The following MRPL39 variants were observed in gnomAD, a reference collection of about 807,000 sequenced individuals.
The protein encoded by MRPL39 is large ribosomal subunit protein mL39.
In MRPL39, 35 loss-of-function variants were observed where a neutral mutation model predicts 44.5. The observed-to-expected ratio is 0.79, with a 90% CI of 0.60 to 1.04. The LOEUF (loss-of-function observed/expected upper bound fraction) is 1.04. Among genes scored for constraint, MRPL39 ranks in the 50% least tolerant of loss-of-function variants. The pLI, the probability that MRPL39 is intolerant of heterozygous loss-of-function variation, is 0.00. For missense variants in MRPL39, 433 were observed against 413.5 expected, an observed-to-expected ratio of 1.05 and a Z score of -0.41; for synonymous variants, 139 against 136.1, an observed-to-expected ratio of 1.02 and a Z score of -0.15.
At chr21:25,604,065 G>T in intron 2 of MRPL39, 130 bp from the exon 3 acceptor site, 4 of 812,346 alleles carry the variant, frequency 4.9e-6, no homozygotes, top group Non-Finnish European at 5.7e-6. Context: ...GAGAAAAAAA[G>T]TATATTACGT....
At chr21:25,588,471 C>T (rs538623675) in intron 9 of MRPL39, among the ~76,000 whole-genome samples, 1 of 152,262 alleles carries the variant, frequency 6.6e-6, no homozygotes, top group Non-Finnish European at 1.5e-5. Flanking sequence ...CTTTAAAATA[C>T]ACCTGACAAA....
chr21:25,593,498 G>A (rs2031247163), intron 7 of MRPL39, among the ~76,000 whole-genome samples: 1 of 152,202 alleles, frequency 6.6e-6, no homozygotes. Context: ...ATCCATGCTT[G>A]AGAAAGCACA....
chr21:25,606,633 A>G lies in MRPL39; in HGVS notation c.96T>C (p.Ala32=). 1 of 1,613,300 alleles carries G rather than the reference A, an allele frequency of 6.2e-7. No individual in the cohort carries two copies. Among genetic ancestry groups the G allele is most frequent in the Non-Finnish European group, 8.5e-7 (1 of 1,179,288 alleles). ...TCAATTCTGTCGGTGACAGCTGAGA[A>G]GCTGACGATGTTGCTATAAATCCTG... ...IKWRFIATSS[A]SQLSPTELTE... The change falls in exon 2 of 10, where the codon GCT becomes GCC. Residue 32 remains alanine, a synonymous_variant. Transcript: ENST00000352957.
At position 25,588,887 on chromosome 21, in the gene MRPL39, A is replaced by G; in HGVS notation, c.922-5T>C. 6.2e-7 allele frequency: 1 copy of G among 1,611,850 alleles called. No individual in the cohort carries two copies. Among genetic ancestry groups the G allele is most frequent in the Non-Finnish European group, 8.5e-7 (1 of 1,178,454 alleles). Reference sequence around the variant, plus strand: ...ATCCCATATTGTAAAATGTGCCTTGAAAAGAAAAGATTTGCGATGAACTAA... The same window carrying G: ...ATCCCATATTGTAAAATGTGCCTTGGAAAGAAAAGATTTGCGATGAACTAA... On this transcript the variant is annotated splice_polypyrimidine_tract_variant and splice_region_variant and intron_variant, in intron 8 of 9. Coordinates refer to ENST00000352957, the MANE Select transcript of MRPL39 (RefSeq NM_017446.4).
At chr21:25,598,452 AAG>A (rs56970945) in intron 5 of MRPL39, among the ~76,000 whole-genome samples, 3 of 146,346 alleles carry the variant, frequency 2.0e-5, no homozygotes, top group African/African-American at 5.0e-5. Context: ...AAAAAAAAAA[AAG>A]AGAGAGAAAG....
chr21:25,607,665 G>T, upstream of MRPL39: 1 of 641,558 alleles, frequency 1.6e-6, no homozygotes, highest in Non-Finnish European at 2.6e-6. Flanking sequence ...GCCGGGGCGC[G>T]TTACCTGTGC....
intron 5 of MRPL39, among the ~76,000 whole-genome samples, chr21:25,597,860 C>T (rs981788960): frequency 2.0e-5 from 3 of 152,028 alleles, no homozygotes; most frequent in Non-Finnish European, 4.4e-5. Context: ...GAAAGTTTCA[C>T]TAGAAATGTA....
At chr21:25,607,603 G>A (rs971667643), upstream of MRPL39, 1 of 904,346 alleles carries the variant, frequency 1.1e-6, no homozygotes, top group Non-Finnish European at 1.6e-6. Context: ...GCCTCCACCG[G>A]GGGGCGTCAG....
chr21:25,600,572 CT>C (rs35300478), intron 4 of MRPL39, among the ~76,000 whole-genome samples: 945 of 55,906 alleles, frequency 0.017, 9 homozygotes, highest in African/African-American at 0.046. Context: ...ATATCTACTT[CT>C]TTAAAAAAAA....
chr21:25,603,772 A>G, intron 3 of MRPL39, 24 bp downstream of exon 3: 1 of 1,581,248 alleles, frequency 6.3e-7, no homozygotes, highest in Non-Finnish European at 8.6e-7. Context: ...GGGAAATAGA[A>G]AAAGAATGTA....
rs1381778811 is a variant in MRPL39 at position 25,606,433 on chromosome 21, T to C, written c.280+16A>G. 6.4e-7 allele frequency: 1 copy of C among 1,570,924 alleles called. No individual in the cohort carries two copies. The highest frequency in any genetic ancestry group is 8.6e-7 in the Non-Finnish European group (1 of 1,156,400). On this transcript the variant is annotated intron_variant, in intron 2 of 9. Transcript: ENST00000352957. ...AAGTAAAAGGGTCAAAACTGTAACC[T>C]GATTCTGCTACTTACGCATGGCACA...
At chr21:25,594,914 A>G (rs2031310504) in intron 6 of MRPL39, among the ~76,000 whole-genome samples, 1 of 151,910 alleles carries the variant, frequency 6.6e-6, no homozygotes, top group African/African-American at 2.4e-5. Flanking sequence ...ACCACCAACC[A>G]CCCAGGTGTC....
intron 3 of MRPL39, among the ~76,000 whole-genome samples, chr21:25,602,581 A>G (rs557207088): frequency 6.6e-6 from 1 of 152,346 alleles, no homozygotes; most frequent in Admixed American, 6.5e-5. Context: ...ACTAGGTCCA[A>G]TAAGGGAAAT....
chr21:25,601,521 A>G (rs2031524842), intron 3 of MRPL39, 54 bp from the exon 4 acceptor site: 4 of 1,192,228 alleles, frequency 3.4e-6, no homozygotes, highest in Non-Finnish European at 3.4e-6. Context: ...GAGATTCACT[A>G]AAGTTTTGAC....
chr21:25,588,933 TAAA>T, intron 8 of MRPL39, 51 bp from the exon 9 acceptor site: 1 of 1,474,114 alleles, frequency 6.8e-7, no homozygotes, highest in Non-Finnish European at 9.5e-7. Context: ...AATGTCAAAG[TAAA>T]AAGGACAGAG....
At chr21:25,590,158 A>G (rs1471845113) in intron 8 of MRPL39, among the ~76,000 whole-genome samples, 3 of 152,226 alleles carry the variant, frequency 2.0e-5, no homozygotes, top group Admixed American at 6.5e-5. Context: ...ATGAGATGTT[A>G]TAAGGTGCAT....
chr21:25,598,731 G>A (rs1016550961), intron 5 of MRPL39, among the ~76,000 whole-genome samples: 4 of 150,676 alleles, frequency 2.7e-5, no homozygotes, highest in Non-Finnish European at 5.9e-5. Context: ...TATGTAATAT[G>A]CGCAGGATTA....
Position 25,606,629 on chromosome 21 carries a change from G to A in MRPL39, c.100C>T (p.Gln34Ter). Residue 34 changes from glutamine to a stop codon, truncating the protein, a stop_gained, in exon 2 of 10, where the codon CAG (glutamine) becomes TAG (stop). Transcript: ENST00000352957. LOFTEE classifies it high-confidence loss of function. Reference sequence around the variant, plus strand: ...TCTGTCAATTCTGTCGGTGACAGCTGAGAAGCTGACGATGTTGCTATAAAT... The same window carrying A: ...TCTGTCAATTCTGTCGGTGACAGCTAAGAAGCTGACGATGTTGCTATAAAT... ...WRFIATSSAS[Q>*]LSPTELTEMR... The A allele has an allele frequency of 2.5e-6, 4 of 1,613,174 alleles. No individual in the cohort carries two copies. The highest frequency in any genetic ancestry group is 3.4e-6 in the Non-Finnish European group (4 of 1,179,236).
chr21:25,600,367 G>A (rs569928700), intron 4 of MRPL39, among the ~76,000 whole-genome samples: 1 of 119,794 alleles, frequency 8.3e-6, no homozygotes, highest in African/African-American at 3.2e-5. Flanking sequence ...CTGCACTCCA[G>A]CCTTGGCAAC....
Sources: allele counts gnomAD v4.1 joint callset (sites outside exome capture counted in the v4.1 genomes callset), GRCh38; gene constraint gnomAD v4.1.1; transcripts MANE v1.5; gene names NCBI Gene and HGNC (gene_info 2026-07-23, HGNC 2026-07-21).